Variants in GOLIM4 observed in about 807,000 individuals in gnomAD.
GOLIM4 encodes the protein 130 kDa golgi-localized phosphoprotein.
In GOLIM4, 71 loss-of-function variants were observed where a neutral mutation model predicts 107.4. That is an observed-to-expected ratio of 0.66 (90% CI 0.55 to 0.81). The LOEUF is 0.81. GOLIM4 is among the 30% of genes least tolerant of loss of function. The pLI, the probability that GOLIM4 is intolerant of heterozygous loss-of-function variation, is 0.00. For missense variants in GOLIM4, 830 were observed against 826.1 expected, an observed-to-expected ratio of 1.00 and a Z score of -0.06; for synonymous variants, 327 against 294.8, an observed-to-expected ratio of 1.11 and a Z score of -1.12.
intron 7 of GOLIM4, 82 bp downstream of exon 7, chr3:168,040,704 G>A: frequency 3.6e-6 from 3 of 837,550 alleles, no homozygotes; most frequent in South Asian, 1.6e-5. Context: ...AGATTGGCTT[G>A]TAAGAGACTA....
chr3:168,059,950 C>T (rs1720168337), intron 1 of GOLIM4, among the ~76,000 whole-genome samples: 2 of 152,066 alleles, frequency 1.3e-5, no homozygotes, highest in African/African-American at 4.8e-5. Flanking sequence ...CTGGGATGTC[C>T]TCAGAGAAAC....
chr3:168,071,426 T>A lies in GOLIM4; in HGVS notation c.188-23061A>T, dbSNP rs76395879. ...CTTAGCACTGCTCTCTAGGCAGGAATGATGAATGAATACAATAAATATAAC... is the reference window on the plus strand; with the variant it reads ...CTTAGCACTGCTCTCTAGGCAGGAAAGATGAATGAATACAATAAATATAAC... On this transcript the variant is annotated intron_variant, in intron 1 of 15. Transcript: ENST00000470487. 2.0e-5 allele frequency among the ~76,000 whole-genome samples: 3 copies of A among 152,158 alleles called. No individual in the cohort carries two copies. The East Asian group carries it at 5.8e-4, about 29-fold the overall frequency.
chr3:168,049,953 C>T (rs1577539996), intron 1 of GOLIM4, among the ~76,000 whole-genome samples: 1 of 152,272 alleles, frequency 6.6e-6, no homozygotes, highest in East Asian at 1.9e-4. Flanking sequence ...CTAACATCTC[C>T]GTCTCTAACT....
intron 1 of GOLIM4, among the ~76,000 whole-genome samples, chr3:168,066,646 AACTAT>A (rs1174318193): frequency 6.6e-6 from 1 of 152,132 alleles, no homozygotes; most frequent in African/African-American, 2.4e-5. Context: ...AATCATAACA[AACTAT>A]ACTTTTATAG....
At chr3:168,089,157 C>T (rs908318026) in intron 1 of GOLIM4, among the ~76,000 whole-genome samples, 1 of 152,162 alleles carries the variant, frequency 6.6e-6, no homozygotes, top group African/African-American at 2.4e-5. Flanking sequence ...AATTTACACA[C>T]AAATAAAAAT....
chr3:168,028,595 T>TA (rs1718138456), intron 11 of GOLIM4, among the ~76,000 whole-genome samples: 1 of 152,222 alleles, frequency 6.6e-6, no homozygotes, highest in Admixed American at 6.5e-5. Flanking sequence ...TCTCTAGTCT[T>TA]ACTGATATGA....
rs531365810 is a variant in GOLIM4 at position 168,010,729 on chromosome 3, T to C, written c.1941+14A>G. 1.3e-6 allele frequency: 2 copies of C among 1,566,230 alleles called. No individual in the cohort carries two copies. Among genetic ancestry groups the C allele is most frequent in the Non-Finnish European group, 1.8e-6 (2 of 1,136,972 alleles). On this transcript the variant is annotated intron_variant, in intron 15 of 15. Transcript: ENST00000470487. ...CACTCAAGTGCTCAATAGAAATATG[T>C]ATCCCGGTCATACATTTTCATCATT...
intron 1 of GOLIM4, among the ~76,000 whole-genome samples, chr3:168,092,316 G>A (rs1721954687): frequency 6.6e-6 from 1 of 152,180 alleles, no homozygotes; most frequent in Admixed American, 6.5e-5. Flanking sequence ...TAGATAAACA[G>A]GCAGACATAG....
intron 1 of GOLIM4, among the ~76,000 whole-genome samples, chr3:168,068,756 TAG>T (rs1363639481): frequency 1.3e-5 from 2 of 152,026 alleles, no homozygotes; most frequent in Non-Finnish European, 2.9e-5. Context: ...TAAAATTTTA[TAG>T]AGATTCCTTT....
chr3:168,043,541 A>C lies in GOLIM4; in HGVS notation c.367-12T>G. The C allele has an allele frequency of 6.3e-7, 1 of 1,591,396 alleles. No homozygotes were observed. The highest frequency in any genetic ancestry group is 8.5e-7 in the Non-Finnish European group (1 of 1,172,846). On this transcript the variant is annotated splice_polypyrimidine_tract_variant and intron_variant, in intron 4 of 15. Coordinates refer to ENST00000470487, the MANE Select transcript of GOLIM4 (RefSeq NM_014498.5). ...TCCTCGTGTTGGCTCTGCAAAGATG[A>C]AAACTTGAGTAGAAATATACATTCT...
chr3:168,032,443 TA>T, intron 9 of GOLIM4, 76 bp downstream of exon 9: 3 of 955,686 alleles, frequency 3.1e-6, no homozygotes, highest in Non-Finnish European at 5.0e-6. Context: ...GAGATTGTGA[TA>T]TATTACCTTA....
chr3:168,019,316 T>C (rs925982262), intron 14 of GOLIM4, among the ~76,000 whole-genome samples: 3 of 152,236 alleles, frequency 2.0e-5, no homozygotes, highest in Admixed American at 6.5e-5. Flanking sequence ...TTCTATTTTT[T>C]ACAGTGAATT....
At chr3:168,040,332 C>A (rs947736909) in intron 7 of GOLIM4, among the ~76,000 whole-genome samples, 2 of 152,154 alleles carry the variant, frequency 1.3e-5, no homozygotes, top group Non-Finnish European at 2.9e-5. Flanking sequence ...ATTTGACCAA[C>A]AACACATAAG....
At chr3:168,078,804 C>T (rs1046460797) in intron 1 of GOLIM4, among the ~76,000 whole-genome samples, 9 of 152,098 alleles carry the variant, frequency 5.9e-5, no homozygotes, top group Non-Finnish European at 4.4e-5. Flanking sequence ...AGAAAAAGCA[C>T]ATGCCCAGTA....
intron 7 of GOLIM4, among the ~76,000 whole-genome samples, chr3:168,037,403 C>A (rs1718719256): frequency 6.6e-6 from 1 of 152,018 alleles, no homozygotes; most frequent in South Asian, 2.1e-4. Context: ...TGAATAAAAT[C>A]TTTCAGTAGA....
At chr3:168,018,124 A>G (rs1419837559) in intron 14 of GOLIM4, among the ~76,000 whole-genome samples, 1 of 152,178 alleles carries the variant, frequency 6.6e-6, no homozygotes, top group East Asian at 1.9e-4. Flanking sequence ...GCAGTCTCCT[A>G]ATACCAAAGA....
At chr3:168,023,374 T>G (rs1342812225) in intron 14 of GOLIM4, among the ~76,000 whole-genome samples, 1 of 152,352 alleles carries the variant, frequency 6.6e-6, no homozygotes, top group Admixed American at 6.5e-5. Flanking sequence ...TCAAGCCAGT[T>G]AAAGTGCATG....
intron 14 of GOLIM4, among the ~76,000 whole-genome samples, chr3:168,021,614 C>T (rs1242756649): frequency 1.3e-5 from 2 of 151,774 alleles, no homozygotes; most frequent in Non-Finnish European, 2.9e-5. Context: ...TGCAGTGAGC[C>T]GAGATCACCT....
intron 5 of GOLIM4, among the ~76,000 whole-genome samples, chr3:168,042,429 T>C (rs1338463805): frequency 6.6e-5 from 10 of 152,120 alleles, no homozygotes; most frequent in Admixed American, 6.5e-4. Context: ...TACAGGCATG[T>C]GCCACGATGC....
Sources: allele counts gnomAD v4.1 joint callset (sites outside exome capture counted in the v4.1 genomes callset), GRCh38; gene constraint gnomAD v4.1.1; transcripts MANE v1.5; gene names NCBI Gene and HGNC (gene_info 2026-07-23, HGNC 2026-07-21).